Variants in CHD5 observed in about 807,000 individuals in gnomAD.
CHD5 encodes the protein chromodomain helicase DNA binding protein 5, also known as ATP-dependent chromatin remodeler CHD5.
CHD5 carries 69 observed loss-of-function variants against 230.3 expected under a neutral mutation model. The ratio of observed to expected loss-of-function variants is 0.30; its 90% CI spans 0.25 to 0.37. The LOEUF is 0.37. Ranked by LOEUF, CHD5 falls within the 10% of genes least tolerant of loss-of-function variation. The pLI, the probability that CHD5 is intolerant of heterozygous loss-of-function variation, is 1.00. For synonymous variants in CHD5, 1,064 were observed against 1,065.9 expected (o/e 1.00, Z 0.03); for missense variants, 1,827 against 2,622.8 (o/e 0.70, Z 6.63).
At position 6,159,368 on chromosome 1, in the gene CHD5, C is replaced by A; in HGVS notation, c.355G>T (p.Asp119Tyr). 1 of 1,551,496 alleles carries A rather than the reference C, an allele frequency of 6.4e-7. No homozygotes were observed. Among genetic ancestry groups the A allele is most frequent in the Non-Finnish European group, 8.7e-7 (1 of 1,146,644 alleles). Reference protein sequence around the residue: ...KKAKRKKKDEDEDDNDDGCLK... With the variant: ...KKAKRKKKDEYEDDNDDGCLK... ...CATCCATCATCATTATCATCCTCAT[C>A]CTCATCCTTCTTTTTTCGCTTGGCT... The change falls in exon 3 of 42, where the codon GAT becomes TAT. Residue 119 changes from aspartate to tyrosine, a missense_variant. Asp to Tyr is a radical substitution (Grantham distance 160). This residue lies in a region of CHD5 where 657 missense variants were observed against 816.4 expected (regional missense o/e 0.80). Transcript: ENST00000262450.
intron 38 of CHD5, 133 bp from the exon 39 acceptor site, chr1:6,106,912 A>T (rs1490801230): frequency 1.2e-5 from 1 of 83,458 alleles, no homozygotes; most frequent in Non-Finnish European, 2.2e-5. Context: ...GGATGGAAGG[A>T]TGGAGGGATG....
rs781286534 is a variant in CHD5, at chr1:6,123,962, G to A, written c.4685C>T (p.Pro1562Leu). The change falls in exon 31 of 42, where the codon CCG (proline) becomes CTG (leucine). Residue 1562 changes from proline (P) to leucine (L), a missense_variant. Coordinates refer to ENST00000262450, the MANE Select transcript of CHD5 (RefSeq NM_015557.3). ...AGCCCACAGACCTGGCAGGCCCAGCGGGGCTGGCAGGAGGTGGGCAGGGCT... is the reference window on the plus strand; with the variant it reads ...AGCCCACAGACCTGGCAGGCCCAGCAGGGCTGGCAGGAGGTGGGCAGGGCT... Reference protein sequence around the residue: ...PASPAHLLPAPLGLPDKMEAQ... With the variant: ...PASPAHLLPALLGLPDKMEAQ... The A allele has an allele frequency of 1.8e-5, 28 of 1,580,720 alleles. No homozygotes were observed. In the East Asian group the frequency reaches 3.3e-4, roughly 19 times the overall value.
At chr1:6,161,734 C>T (rs1050562626) in intron 2 of CHD5, among the ~76,000 whole-genome samples, 4 of 152,186 alleles carry the variant, frequency 2.6e-5, no homozygotes, top group Non-Finnish European at 5.9e-5. Context: ...CAAGAGACCG[C>T]CCTTCAGGAG....
At chr1:6,149,471 A>C (rs1469147284) in intron 7 of CHD5, 59 bp from the exon 8 acceptor site, 5 of 1,521,464 alleles carry the variant, frequency 3.3e-6, no homozygotes, top group Non-Finnish European at 4.5e-6. Flanking sequence ...CACACAACCA[A>C]CTGCATCGCC....
chr1:6,134,084 TG>T lies in CHD5; in HGVS notation c.3144+43del. 6 of 1,513,408 alleles carry T rather than the reference TG, an allele frequency of 4.0e-6. No homozygotes were observed. The highest frequency in any genetic ancestry group is 5.4e-6 in the Non-Finnish European group (6 of 1,115,234). The allele number at this position is 1,513,408 out of a possible 1,614,324, so 93.7% of individuals were successfully genotyped here. A position where few individuals can be genotyped will look rare whatever the true frequency, so the allele number is the denominator to read the frequency against. On this transcript the variant is annotated intron_variant, in intron 20 of 41. Coordinates refer to ENST00000262450, the MANE Select transcript of CHD5 (RefSeq NM_015557.3). The surrounding 1 kb of genome is among the most constrained non-coding windows in gnomAD (Gnocchi z 6.3). ...CCAAGCATCAGGGCAGGATGCTCTC[TG>T]TGGGGTGTGGAGCCGGGGCGGGGGT...
intron 11 of CHD5, among the ~76,000 whole-genome samples, chr1:6,145,036 G>A (rs892950011): frequency 2.6e-4 from 39 of 152,150 alleles, no homozygotes; most frequent in African/African-American, 8.5e-4. Context: ...AGAAAACCAT[G>A]GGCCAATTCA....
At chr1:6,156,897 T>A (rs1667089136) in intron 3 of CHD5, among the ~76,000 whole-genome samples, 1 of 152,200 alleles carries the variant, frequency 6.6e-6, no homozygotes, top group Non-Finnish European at 1.5e-5. Context: ...AGGTGCCGGA[T>A]GTGGGCATGG....
In CHD5 at chr1:6,128,151, C is replaced by T; in HGVS notation, c.3798G>A (p.Leu1266=). 1 of 1,614,174 alleles carries T rather than the reference C, an allele frequency of 6.2e-7. No individual in the cohort carries two copies. The highest frequency in any genetic ancestry group is 8.5e-7 in the Non-Finnish European group (1 of 1,180,014). ...CATCTGTAGCGTCCTGGTTCCGGTC[C>T]AGCAGCTTGGAGATGGCCGCATCGT... ...HYDDAAISKL[L]DRNQDATDDT... Residue 1266 remains leucine, a synonymous_variant, in exon 25 of 42, where the codon CTG becomes CTA. Transcript: ENST00000262450. The surrounding 1 kb of genome is among the most constrained non-coding windows in gnomAD (Gnocchi z 7.8).
intron 5 of CHD5, among the ~76,000 whole-genome samples, chr1:6,153,952 A>T (rs981413712): frequency 2.6e-5 from 4 of 152,096 alleles, no homozygotes; most frequent in African/African-American, 9.7e-5. Flanking sequence ...GCACCCAGAA[A>T]GCTCCCTCCC....
chr1:6,143,219 T>G (rs116480243), intron 13 of CHD5, among the ~76,000 whole-genome samples: 4,848 of 152,148 alleles, frequency 0.032, 135 homozygotes, highest in Admixed American at 0.066. Flanking sequence ...CCTGGCTAAT[T>G]TTTTGTAGAG....
chr1:6,139,055 T>G (rs952709116), intron 15 of CHD5, among the ~76,000 whole-genome samples: 1 of 151,922 alleles, frequency 6.6e-6, no homozygotes, highest in Non-Finnish European at 1.5e-5. Context: ...GTACCCAGAG[T>G]AGTCAACCTC....
Position 6,109,943 on chromosome 1 carries a change from C to T in CHD5, c.5430G>A (p.Ala1810=), listed in dbSNP as rs191295192. 216 of 1,590,326 alleles carry T rather than the reference C, an allele frequency of 1.4e-4. 1 individual carries two copies. Among genetic ancestry groups the T allele is most frequent in the Non-Finnish European group, 1.7e-4 (195 of 1,169,504 alleles). Residue 1810 remains alanine, a synonymous_variant, in exon 38 of 42, where the codon GCG becomes GCA. Coordinates refer to ENST00000262450, the MANE Select transcript of CHD5 (RefSeq NM_015557.3). ...LVIEEQLRRA[A]YLNMTQDPNH... is the part of the protein sequence containing the mutation. Reference sequence around the variant, plus strand: ...TGGGGTCCTGCGTCATGTTCAGGTACGCGGCCCTCCGGAGCTGCTCCTCAA... The same window carrying T: ...TGGGGTCCTGCGTCATGTTCAGGTATGCGGCCCTCCGGAGCTGCTCCTCAA...
rs980398228 is a variant in CHD5, at chr1:6,179,894, G to A, written c.79+51C>T. The stretch of plus-strand genomic sequence containing the variant: ...CCGCGCTCCGCCCTGGGCCCGGCCC[G>A]TCTCGGCGCCCCCGCCGCTCTGGCC... On this transcript the variant is annotated intron_variant, in intron 1 of 41. Transcript: ENST00000262450. The A allele has an allele frequency of 2.7e-5, 29 of 1,087,860 alleles. No individual in the cohort carries two copies. In the African/African-American group the frequency reaches 4.4e-4, roughly 17 times the overall value. 67.4% of individuals were successfully genotyped at this position (1,087,860 alleles called of 1,614,324 possible). A position where few individuals can be genotyped will look rare whatever the true frequency, so the allele number is the denominator to read the frequency against.
chr1:6,126,446 G>A lies in CHD5; in HGVS notation c.4078+126C>T, dbSNP rs561167744. On this transcript the variant is annotated intron_variant, in intron 26 of 41. Transcript: ENST00000262450. The surrounding 1 kb of genome is among the most constrained non-coding windows in gnomAD (Gnocchi z 5.7). The stretch of plus-strand genomic sequence containing the variant: ...TGGGTATGGGACACCCATCCCTCCT[G>A]GCACACTCGCCCAGCTCTCCCGGCC... The A allele has an allele frequency of 4.3e-4, 280 of 652,798 alleles. No homozygotes were observed. In the African/African-American group the frequency reaches 4.6e-3, roughly 11 times the overall value. 40.4% of individuals were successfully genotyped at this position (652,798 alleles called of 1,614,324 possible). A position where few individuals can be genotyped will look rare whatever the true frequency, so the allele number is the denominator to read the frequency against.
rs1171412213 is a variant in CHD5, at chr1:6,106,830, G to A, written c.5579-51C>T. On this transcript the variant is annotated intron_variant, in intron 38 of 41. Coordinates refer to ENST00000262450, the MANE Select transcript of CHD5 (RefSeq NM_015557.3). ...AGGATGCAGGGATGGAGGGGTGGAG[G>A]GATGGAGGAGTGGAAGGATGGAGGG... is the stretch of plus-strand genomic sequence containing the variant. The A allele has an allele frequency of 5.3e-6, 8 of 1,509,974 alleles. No individual in the cohort carries two copies. In the African/African-American group the frequency reaches 9.9e-5, roughly 19 times the overall value. The allele number at this position is 1,509,974 out of a possible 1,614,324, so 93.5% of individuals were successfully genotyped here. A position where few individuals can be genotyped will look rare whatever the true frequency, so the allele number is the denominator to read the frequency against.
chr1:6,125,935 GCCACGCCGAGCC>G lies in CHD5; in HGVS notation c.4079-89_4079-78del. On this transcript the variant is annotated intron_variant, in intron 26 of 41. Transcript: ENST00000262450. This position sits in a 1 kb window ranked among gnomAD's most constrained non-coding sequence, Gnocchi z 6.7. Reference sequence around the variant, plus strand: ...ACCCTCAAGTTCAAGCATGCCCAGGGCCACGCCGAGCCCCTGCACCCCAGCTCCATAAAAAAG... The same window carrying G: ...ACCCTCAAGTTCAAGCATGCCCAGGGCCTGCACCCCAGCTCCATAAAAAAG... 1 of 1,031,058 alleles carries G rather than the reference GCCACGCCGAGCC, an allele frequency of 9.7e-7. No homozygotes were observed. Among genetic ancestry groups the G allele is most frequent in the Non-Finnish European group, 1.5e-6 (1 of 667,766 alleles). 63.9% of individuals were successfully genotyped at this position (1,031,058 alleles called of 1,614,324 possible).
At chr1:6,174,224 T>C (rs1003562587) in intron 1 of CHD5, among the ~76,000 whole-genome samples, 3 of 151,020 alleles carry the variant, frequency 2.0e-5, no homozygotes, top group Non-Finnish European at 4.4e-5. Flanking sequence ...CTGACAGATA[T>C]GGGGACAGAG....
chr1:6,170,089 T>C (rs12141181), intron 1 of CHD5, among the ~76,000 whole-genome samples: 26,338 of 151,892 alleles, frequency 0.17, 3,149 homozygotes, highest in African/African-American at 0.33. Flanking sequence ...CCGAGGAAGT[T>C]TTTGATCATA....
Position 6,134,103 on chromosome 1 carries a change from G to T in CHD5, c.3144+25C>A. On this transcript the variant is annotated intron_variant, in intron 20 of 41. Coordinates refer to ENST00000262450, the MANE Select transcript of CHD5 (RefSeq NM_015557.3). The surrounding 1 kb of genome is among the most constrained non-coding windows in gnomAD (Gnocchi z 6.3). ...GCTCTCTGTGGGGTGTGGAGCCGGG[G>T]CGGGGGTGGGCAGGGGCAGCGCACC... is the stretch of plus-strand genomic sequence containing the variant. 3 of 1,606,044 alleles carry T rather than the reference G, an allele frequency of 1.9e-6. No individual in the cohort carries two copies. The highest frequency in any genetic ancestry group is 2.5e-6 in the Non-Finnish European group (3 of 1,178,244).
Sources: allele counts gnomAD v4.1 joint callset (sites outside exome capture counted in the v4.1 genomes callset), GRCh38; gene constraint gnomAD v4.1.1; regional missense constraint gnomAD v4.1.1; non-coding constraint Gnocchi (gnomAD v3.1); transcripts MANE v1.5; gene names NCBI Gene and HGNC (gene_info 2026-07-23, HGNC 2026-07-21).